EPPK1: variants seen among roughly 807,000 people sequenced by gnomAD.
EPPK1 encodes epiplakin.
For synonymous variants in EPPK1, 1,862 were observed against 1,721.2 expected, an observed-to-expected ratio of 1.08 and a Z score of -2.03; for missense variants, 3,823 against 3,673.3, an observed-to-expected ratio of 1.04 and a Z score of -1.05.
Position 143,859,323 on chromosome 8 carries a change from CCGGCCTCGGCCTCGGCCT to C in EPPK1, c.13913_13930del (p.Glu4638_Ala4643del). 1 of 278,654 alleles carries C rather than the reference CCGGCCTCGGCCTCGGCCT, an allele frequency of 3.6e-6. No homozygotes were observed. Among genetic ancestry groups the C allele is most frequent in the Non-Finnish European group, 6.3e-6 (1 of 158,004 alleles). The allele number at this position is 278,654 out of a possible 1,614,324, so 17.3% of individuals were successfully genotyped here. ...CTCCCGGGGGTCTGGGCGCGGGCTCCCGGCCTCGGCCTCGGCCTCGGCCCGGGCCTGGGCCTGGGCCTG... is the reference window on the plus strand; with the variant it reads ...CTCCCGGGGGTCTGGGCGCGGGCTCCCGGCCCGGGCCTGGGCCTGGGCCTG... On this transcript the variant is annotated inframe_deletion, in exon 2 of 2. Transcript: ENST00000615648.
rs200500117 is a variant in EPPK1, at chr8:143,867,036, C to T, written c.6218G>A (p.Arg2073His). Residue 2073 changes from arginine (R) to histidine (H), a missense_variant, in exon 2 of 2, where the codon CGC becomes CAC. Coordinates refer to ENST00000615648, the MANE Select transcript of EPPK1 (RefSeq NM_031308.4). ...VSYRELQERCRPQEDTGWLLF... is the reference protein window; with the variant it reads ...VSYRELQERCHPQEDTGWLLF... Reference sequence around the variant, plus strand: ...CAGCCAGCCCGTGTCCTCTTGTGGGCGGCACCTCTCCTGCAGCTCTCGGTA... The same window carrying T: ...CAGCCAGCCCGTGTCCTCTTGTGGGTGGCACCTCTCCTGCAGCTCTCGGTA... 2,283 of 1,612,822 alleles carry T rather than the reference C, an allele frequency of 1.4e-3. 5 individuals are homozygous for T. The highest frequency in any genetic ancestry group is 1.8e-3 in the Non-Finnish European group (2,079 of 1,179,826).
In EPPK1 at chr8:143,867,055, C is replaced by G. The variant is rs781948794; in HGVS notation, c.6199G>C (p.Glu2067Gln). Residue 2067 changes from glutamate (E) to glutamine (Q), a missense_variant, in exon 2 of 2, where the codon GAG becomes CAG. By Grantham distance (29) the Glu-to-Gln change is conservative. Coordinates refer to ENST00000615648, the MANE Select transcript of EPPK1 (RefSeq NM_031308.4). ...PNTQEKVSYR[E>Q]LQERCRPQED... ...TGTGGGCGGCACCTCTCCTGCAGCT[C>G]TCGGTACGAGACCTTCTCTTGCGTG... 10 of 1,612,808 alleles carry G rather than the reference C, an allele frequency of 6.2e-6. No homozygotes were observed. Among genetic ancestry groups the G allele is most frequent in the South Asian group, 2.2e-5 (2 of 91,084 alleles).
At position 143,872,918 on chromosome 8, in the gene EPPK1, C is replaced by A. The variant is rs781897702; in HGVS notation, c.336G>T (p.Leu112=). 1 of 1,608,336 alleles carries A rather than the reference C, an allele frequency of 6.2e-7. No homozygotes were observed. ...CCGTAGTGGCACGCTCAGCGGCCAGCAGCTTCTCCTTCAGCTCCAGCCCCA... is the reference window on the plus strand; with the variant it reads ...CCGTAGTGGCACGCTCAGCGGCCAGAAGCTTCTCCTTCAGCTCCAGCCCCA... ...GLVGLELKEK[L]LAAERATTGY... is the part of the protein sequence containing the mutation. The change falls in exon 2 of 2, where the codon CTG becomes CTT. Residue 112 remains leucine, a synonymous_variant. Coordinates refer to ENST00000615648, the MANE Select transcript of EPPK1 (RefSeq NM_031308.4).
Position 143,867,820 on chromosome 8 carries a change from C to T in EPPK1, c.5434G>A (p.Glu1812Lys), listed in dbSNP as rs782698531. The T allele has an allele frequency of 2.5e-5, 41 of 1,613,450 alleles. No homozygotes were observed. Among genetic ancestry groups the T allele is most frequent in the Admixed American group, 1.2e-4 (7 of 59,992 alleles). Residue 1812 changes from glutamate (E) to lysine (K), a missense_variant, in exon 2 of 2, where the codon GAG (glutamate) becomes AAG (lysine). Coordinates refer to ENST00000615648, the MANE Select transcript of EPPK1 (RefSeq NM_031308.4). ...TGGGCTCCATACTCCTGGATGAGCT[C>T]CCGCTTCCTGTCCTCTGTGAAGTAT... The part of the protein sequence containing the change: ...SPYFTEDRKR[E>K]LIQEYGAQSG...
Position 143,872,676 on chromosome 8 carries a change from G to C in EPPK1, c.578C>G (p.Pro193Arg). The C allele has an allele frequency of 6.2e-7, 1 of 1,607,684 alleles. No homozygotes were observed. Among genetic ancestry groups the C allele is most frequent in the Non-Finnish European group, 8.5e-7 (1 of 1,178,294 alleles). Residue 193 changes from proline (P) to arginine (R), a missense_variant, in exon 2 of 2, where the codon CCT becomes CGT. By Grantham distance (103) the Pro-to-Arg change is moderately radical (BLOSUM62 -2). Coordinates refer to ENST00000615648, the MANE Select transcript of EPPK1 (RefSeq NM_031308.4). Reference protein sequence around the residue: ...ETWHKLSELEPGTGDLRFLDP... With the variant: ...ETWHKLSELERGTGDLRFLDP... Reference sequence around the variant, plus strand: ...GAGGAAGCGCAGGTCACCTGTGCCAGGCTCAAGCTCTGACAGCTTGTGCCA... The same window carrying C: ...GAGGAAGCGCAGGTCACCTGTGCCACGCTCAAGCTCTGACAGCTTGTGCCA...
rs1365062096 is a variant in EPPK1, at chr8:143,859,582, C to T, written c.13672G>A (p.Ala4558Thr). ...YMLQLAGRGS[A>T]VHQLSEELRC... is the part of the protein sequence containing the mutation. ...AGCTCCTCGCTCAGCTGGTGCACGG[C>T]GGAGCCCCGGCCTGCCAGCTGCAGC... Residue 4558 changes from alanine to threonine, a missense_variant, in exon 2 of 2, where the codon GCC (alanine) becomes ACC (threonine). Coordinates refer to ENST00000615648, the MANE Select transcript of EPPK1 (RefSeq NM_031308.4). 9.1e-6 allele frequency: 4 copies of T among 439,266 alleles called. No homozygotes were observed. The highest frequency in any genetic ancestry group is 6.1e-5 in the East Asian group (2 of 32,768). The allele number at this position is 439,266 out of a possible 1,614,324, so 27.2% of individuals were successfully genotyped here. A position where few individuals can be genotyped will look rare whatever the true frequency, so the allele number is the denominator to read the frequency against.
chr8:143,870,556 G>A lies in EPPK1; in HGVS notation c.2698C>T (p.Gln900Ter), dbSNP rs1006218649. ...GCCAGCACTTGGTCCAACAGCTGCT[G>A]GTCAATGATACCGGCCTCCAGGAGC... ...HQLLEAGIID[Q>*]QLLDQVLAGT... Residue 900 changes from glutamine (Q) to a stop codon, truncating the protein, a stop_gained, in exon 2 of 2, where the codon CAG (glutamine) becomes TAG (stop). Coordinates refer to ENST00000615648, the MANE Select transcript of EPPK1 (RefSeq NM_031308.4). LOFTEE classifies it low-confidence loss of function (END_TRUNC). The surrounding 1 kb of genome is among the most constrained non-coding windows in gnomAD (Gnocchi z 5.2). The A allele has an allele frequency of 1.2e-6, 2 of 1,611,778 alleles. No homozygotes were observed. Among genetic ancestry groups the A allele is most frequent in the Non-Finnish European group, 1.7e-6 (2 of 1,179,476 alleles).
rs782143154 is a variant in EPPK1, at chr8:143,871,226, A to G, written c.2028T>C (p.Asp676=). The change falls in exon 2 of 2, where the codon GAT becomes GAC. Residue 676 remains aspartate, a synonymous_variant. Coordinates refer to ENST00000615648, the MANE Select transcript of EPPK1 (RefSeq NM_031308.4). ...EALRAAVIGP[D]VFAKLLSAER... is the part of the protein sequence containing the mutation. ...CAGCCGACAGCAGCTTCGCGAACAC[A>G]TCAGGCCCAATGACAGCAGCCCTCA... 1.2e-6 allele frequency: 2 copies of G among 1,613,220 alleles called. No individual in the cohort carries two copies. Among genetic ancestry groups the G allele is most frequent in the Non-Finnish European group, 8.5e-7 (1 of 1,180,010 alleles).
chr8:143,869,732 C>T lies in EPPK1; in HGVS notation c.3522G>A (p.Gln1174=). Residue 1174 remains glutamine (Q), a synonymous_variant, in exon 2 of 2, where the codon CAG becomes CAA. Coordinates refer to ENST00000615648, the MANE Select transcript of EPPK1 (RefSeq NM_031308.4). ...DVQEGRTTVP[Q]LLASVQRWVQ... is the part of the protein sequence containing the mutation. ...CCCACCTCTGCACAGAGGCTAGCAG[C>T]TGTGGCACAGTGGTCCTCCCCTCCT... 1 of 1,600,366 alleles carries T rather than the reference C, an allele frequency of 6.2e-7. No individual in the cohort carries two copies. The highest frequency in any genetic ancestry group is 8.5e-7 in the Non-Finnish European group (1 of 1,174,440).
rs557491242 is a variant in EPPK1, at chr8:143,857,377, G to T, written c.*610C>A. The T allele has an allele frequency of 6.6e-6, 1 of 152,256 alleles. No individual in the cohort carries two copies. The highest frequency in any genetic ancestry group is 1.5e-5 in the Non-Finnish European group (1 of 68,084). The allele number at this position is 152,256 out of a possible 1,614,324, so 9.4% of individuals were successfully genotyped here. ...TTTTCCTAGTAAATTACTACAAAAA[G>T]TTCTTCTCCACAACAGACTCGCTCA... is the stretch of plus-strand genomic sequence containing the variant. On this transcript the variant is annotated 3_prime_UTR_variant, in exon 2 of 2. Coordinates refer to ENST00000615648, the MANE Select transcript of EPPK1 (RefSeq NM_031308.4).
In EPPK1 at chr8:143,867,639, G is replaced by A; in HGVS notation, c.5615C>T (p.Thr1872Ile). The change falls in exon 2 of 2, where the codon ACA becomes ATA. Residue 1872 changes from threonine to isoleucine, a missense_variant. Thr to Ile is a moderately conservative substitution (Grantham distance 89). Transcript: ENST00000615648. ...SRVIDQKTLHTLRVGRTGGQA... is the reference protein window; with the variant it reads ...SRVIDQKTLHILRVGRTGGQA... ...TCCCCCAGTCCTCCCCACACGAAGT[G>A]TGTGCAGGGTCTTCTGATCGATGAC... is the stretch of plus-strand genomic sequence containing the variant. 6.2e-7 allele frequency: 1 copy of A among 1,613,372 alleles called. No individual in the cohort carries two copies. Among genetic ancestry groups the A allele is most frequent in the Non-Finnish European group, 8.5e-7 (1 of 1,179,860 alleles).
Position 143,873,321 on chromosome 8 carries a change from A to G in EPPK1, c.-45-23T>C, listed in dbSNP as rs1819419204. On this transcript the variant is annotated intron_variant, in intron 1 of 1. Coordinates refer to ENST00000615648, the MANE Select transcript of EPPK1 (RefSeq NM_031308.4). ...GTCCTGCAGGGGACAGAAAGGCTCA[A>G]TCAGGGACCCCGCATGGCCTGGTGG... The G allele has an allele frequency of 1.1e-5, 15 of 1,423,650 alleles. No homozygotes were observed. In the South Asian group the frequency reaches 2.1e-4, roughly 20 times the overall value. The allele number at this position is 1,423,650 out of a possible 1,614,324, so 88.2% of individuals were successfully genotyped here.
Position 143,870,283 on chromosome 8 carries a change from C to T in EPPK1, c.2971G>A (p.Gly991Ser), listed in dbSNP as rs1273539089. 2 of 1,588,212 alleles carry T rather than the reference C, an allele frequency of 1.3e-6. No individual in the cohort carries two copies. Among genetic ancestry groups the T allele is most frequent in the African/African-American group, 2.7e-5 (2 of 74,200 alleles). The part of the protein sequence containing the change: ...SLSVDEAVRR[G>S]VVGPELYGRL... ...CCATACAGCTCCGGCCCCACCACAC[C>T]CCTGCGCACGGCCTCATCCACCGAG... Residue 991 changes from glycine (G) to serine (S), a missense_variant, in exon 2 of 2, where the codon GGT becomes AGT. Coordinates refer to ENST00000615648, the MANE Select transcript of EPPK1 (RefSeq NM_031308.4). This position sits in a 1 kb window ranked among gnomAD's most constrained non-coding sequence, Gnocchi z 5.2.
Position 143,857,818 on chromosome 8 carries a change from G to A in EPPK1, c.*169C>T, listed in dbSNP as rs1027755381. ...TTATGAAACACCTCGATGGACAAAG[G>A]AAAAGTTTCTGTCACATGACAACTT... On this transcript the variant is annotated 3_prime_UTR_variant, in exon 2 of 2. Transcript: ENST00000615648. The A allele has an allele frequency of 2.2e-5, 12 of 538,448 alleles. No homozygotes were observed. The highest frequency in any genetic ancestry group is 3.3e-5 in the Non-Finnish European group (11 of 334,636). The allele number at this position is 538,448 out of a possible 1,614,324, so 33.4% of individuals were successfully genotyped here.
chr8:143,869,549 C>A lies in EPPK1; in HGVS notation c.3705G>T (p.Gln1235His). The change falls in exon 2 of 2, where the codon CAG becomes CAT. Residue 1235 changes from glutamine to histidine, a missense_variant. By Grantham distance (24) the Gln-to-His change is conservative. Coordinates refer to ENST00000615648, the MANE Select transcript of EPPK1 (RefSeq NM_031308.4). ...GTQSPAQVAE[Q>H]PAVKACLWGT... Reference sequence around the variant, plus strand: ...CCCACAGGCAGGCCTTCACCGCCGGCTGCTCGGCGACCTGGGCGGGCGACT... The same window carrying A: ...CCCACAGGCAGGCCTTCACCGCCGGATGCTCGGCGACCTGGGCGGGCGACT... 6.4e-7 allele frequency: 1 copy of A among 1,559,646 alleles called. No homozygotes were observed. The highest frequency in any genetic ancestry group is 1.4e-5 in the African/African-American group (1 of 73,824).
chr8:143,875,216 C>T (rs1360436293), intron 1 of EPPK1, among the ~76,000 whole-genome samples: 3 of 152,204 alleles, frequency 2.0e-5, no homozygotes. Context: ...CCCATCCCCT[C>T]TCCCCATGTC....
Position 143,870,957 on chromosome 8 carries a change from C to G in EPPK1, c.2297G>C (p.Gly766Ala). The G allele has an allele frequency of 6.2e-7, 1 of 1,613,508 alleles. No homozygotes were observed. The highest frequency in any genetic ancestry group is 8.5e-7 in the Non-Finnish European group (1 of 1,180,014). ...CTCGTGCGTGTTGGGGTCGAAGAAG[C>G]CCTTGGTGTCGTCAGAAGGGTCCAA... ...ILLDPSDDTK[G>A]FFDPNTHENL... Residue 766 changes from glycine to alanine, a missense_variant, in exon 2 of 2, where the codon GGC becomes GCC. Physicochemically the swap from Gly to Ala is moderately conservative, Grantham distance 60. Transcript: ENST00000615648. The surrounding 1 kb of genome is among the most constrained non-coding windows in gnomAD (Gnocchi z 5.2).
In EPPK1 at chr8:143,867,864, C is replaced by T; in HGVS notation, c.5390G>A (p.Trp1797Ter). The change falls in exon 2 of 2, where the codon TGG becomes TAG. Residue 1797 changes from tryptophan to a stop codon, truncating the protein, a stop_gained. Transcript: ENST00000615648. LOFTEE classifies it low-confidence loss of function (END_TRUNC). ...GRFADQVVSF[W>*]DLLSSPYFTE... is the part of the protein sequence containing the mutation. The stretch of plus-strand genomic sequence containing the variant: ...GAAGTATGGAGAGGACAGCAGGTCC[C>T]AGAAAGAGACCACCTGGTCAGCAAA... 6.2e-7 allele frequency: 1 copy of T among 1,613,182 alleles called. No homozygotes were observed. Among genetic ancestry groups the T allele is most frequent in the Non-Finnish European group, 8.5e-7 (1 of 1,179,590 alleles).
chr8:143,869,970 T>C lies in EPPK1; in HGVS notation c.3284A>G (p.Tyr1095Cys). 1 of 1,606,554 alleles carries C rather than the reference T, an allele frequency of 6.2e-7. No individual in the cohort carries two copies. Among genetic ancestry groups the C allele is most frequent in the South Asian group, 1.1e-5 (1 of 90,122 alleles). Residue 1095 changes from tyrosine to cysteine, a missense_variant, in exon 2 of 2, where the codon TAT becomes TGT. Transcript: ENST00000615648. ...PTPDGQGRTS[Y>C]AQLLEECPRD... ...GGGGCACTCCTCCAGGAGCTGGGCA[T>C]AGCTCGTGCGCCCCTGGCCGTCCGG...
Sources: allele counts gnomAD v4.1 joint callset (sites outside exome capture counted in the v4.1 genomes callset), GRCh38; gene constraint gnomAD v4.1.1; non-coding constraint Gnocchi (gnomAD v3.1); transcripts MANE v1.5; gene names NCBI Gene and HGNC (gene_info 2026-07-23, HGNC 2026-07-21).